PANK1: variants seen among roughly 807,000 people sequenced by gnomAD.
The protein encoded by PANK1 is pantothenic acid kinase 1.
A neutral mutation model predicts 40.1 loss-of-function variants in PANK1; 18 were observed. That is an observed-to-expected ratio of 0.45 (90% CI 0.31 to 0.67). PANK1 has a LOEUF of 0.67. Among genes scored for constraint, PANK1 ranks in the 30% least tolerant of loss-of-function variants. The pLI is 0.06. For missense variants in PANK1, 457 were observed against 599.6 expected (o/e 0.76, Z 2.48); for synonymous variants, 242 against 237.7 (o/e 1.02, Z -0.17).
intron 5 of PANK1, among the ~76,000 whole-genome samples, chr10:89,592,509 CT>C (rs1844426802): frequency 6.6e-6 from 1 of 152,200 alleles, no homozygotes. Flanking sequence ...TACAGATCTA[CT>C]GTGGTTCTTT....
intron 4 of PANK1, among the ~76,000 whole-genome samples, chr10:89,593,568 G>C (rs1490290465): frequency 6.6e-6 from 1 of 152,140 alleles, no homozygotes; most frequent in Non-Finnish European, 1.5e-5. Context: ...GGACAAGAAT[G>C]GAACAGGTGA....
chr10:89,621,758 G>A (rs1845493564), intron 1 of PANK1, among the ~76,000 whole-genome samples: 1 of 152,206 alleles, frequency 6.6e-6, no homozygotes, highest in African/African-American at 2.4e-5. Context: ...CTGCTGCTCA[G>A]GCTAGAGTGC....
intron 5 of PANK1, among the ~76,000 whole-genome samples, chr10:89,588,980 T>C (rs567823955): frequency 2.6e-5 from 4 of 152,268 alleles, no homozygotes; most frequent in East Asian, 1.9e-4. Context: ...GAGATTTTTG[T>C]TGGGCAAGGC....
intron 1 of PANK1, among the ~76,000 whole-genome samples, chr10:89,631,041 C>T (rs1841626171): frequency 6.6e-6 from 1 of 152,142 alleles, no homozygotes; most frequent in Non-Finnish European, 1.5e-5. Flanking sequence ...ATAGCTGTTA[C>T]ACAACACATA....
chr10:89,629,936 C>T (rs1841585222), intron 1 of PANK1, among the ~76,000 whole-genome samples: 1 of 152,168 alleles, frequency 6.6e-6, no homozygotes, highest in South Asian at 2.1e-4. Flanking sequence ...ACTCACTTTG[C>T]TTGCAACACA....
chr10:89,629,698 T>TG (rs1841577307), intron 1 of PANK1, among the ~76,000 whole-genome samples: 1 of 152,218 alleles, frequency 6.6e-6, no homozygotes, highest in South Asian at 2.1e-4. Flanking sequence ...CCCTTACGGA[T>TG]GATAGCTGCA....
intron 1 of PANK1, among the ~76,000 whole-genome samples, chr10:89,622,956 AT>A (rs1845539609): frequency 6.6e-6 from 1 of 152,228 alleles, no homozygotes; most frequent in Non-Finnish European, 1.5e-5. Flanking sequence ...ACACAAAGTG[AT>A]TTAATTTAAC....
At chr10:89,615,153 TAAA>T (rs796336357) in intron 1 of PANK1, among the ~76,000 whole-genome samples, 2 of 152,006 alleles carry the variant, frequency 1.3e-5, no homozygotes, top group Non-Finnish European at 2.9e-5. Flanking sequence ...AAGCAGATAA[TAAA>T]AAAATAAGAA....
Position 89,593,889 on chromosome 10 carries a change from C to T in PANK1, c.1000G>A (p.Val334Ile), listed in dbSNP as rs770286105. ...EMAAKGDSTN[V>I]DKLVKDIYGG... ...TAAATGTCCTTCACCAGTTTATCAACATTGGTGCTGTCGCCTTTAGCTGCC... is the reference window on the plus strand; with the variant it reads ...TAAATGTCCTTCACCAGTTTATCAATATTGGTGCTGTCGCCTTTAGCTGCC... Residue 334 changes from valine (V) to isoleucine (I), a missense_variant, in exon 4 of 7, where the codon GTT becomes ATT. Around this residue, in one of 4 missense-constraint regions of PANK1, gnomAD observed 286 missense variants for 415.8 expected, o/e 0.69. Transcript: ENST00000307534. The T allele has an allele frequency of 6.2e-7, 1 of 1,613,686 alleles. No homozygotes were observed. The highest frequency in any genetic ancestry group is 8.5e-7 in the Non-Finnish European group (1 of 1,179,580).
intron 2 of PANK1, among the ~76,000 whole-genome samples, chr10:89,604,522 G>A (rs952655800): frequency 2.6e-5 from 4 of 151,680 alleles, no homozygotes; most frequent in Non-Finnish European, 4.4e-5. Flanking sequence ...TAAGACCCTC[G>A]TTTCTACTAA....
intron 1 of PANK1, among the ~76,000 whole-genome samples, chr10:89,613,538 T>A (rs1331740465): frequency 6.6e-6 from 1 of 152,228 alleles, no homozygotes; most frequent in Non-Finnish European, 1.5e-5. Context: ...TGACCCAAGA[T>A]AGCTGCTTCT....
chr10:89,584,401 C>T lies in PANK1; in HGVS notation c.*5G>A, dbSNP rs185586053. ...TTGGGAGGCTGTTTCCTCCACTGCT[C>T]GTCTCTACTTGTCATCAGTCATTTT... On this transcript the variant is annotated 3_prime_UTR_variant, in exon 7 of 7. Coordinates refer to ENST00000307534, the MANE Select transcript of PANK1 (RefSeq NM_148977.3). 4.4e-4 allele frequency: 702 copies of T among 1,586,086 alleles called. 1 individual carries two copies. The African/African-American group carries it at 8.4e-3, about 19-fold the overall frequency.
chr10:89,602,576 A>G (rs1844820639), intron 2 of PANK1, among the ~76,000 whole-genome samples: 1 of 152,258 alleles, frequency 6.6e-6, no homozygotes, highest in African/African-American at 2.4e-5. Context: ...TTTGCAGTCC[A>G]TTAGTACAAC....
At chr10:89,636,074 G>T (rs1444259820) in intron 1 of PANK1, among the ~76,000 whole-genome samples, 1 of 152,158 alleles carries the variant, frequency 6.6e-6, no homozygotes, top group Non-Finnish European at 1.5e-5. Context: ...TGGCTCTCCT[G>T]GCTAGTATTT....
At chr10:89,593,537 A>C (rs915913342) in intron 4 of PANK1, among the ~76,000 whole-genome samples, 4 of 152,154 alleles carry the variant, frequency 2.6e-5, no homozygotes, top group Admixed American at 6.5e-5. Context: ...GGGGGGGGAA[A>C]ATTAATGCCT....
At chr10:89,631,956 T>TTGTGTGTGTGTGTG (rs71471132) in intron 1 of PANK1, among the ~76,000 whole-genome samples, 4 of 135,420 alleles carry the variant, frequency 3.0e-5, no homozygotes, top group African/African-American at 1.0e-4. Flanking sequence ...AAATAACAGA[T>TTGTGTGTGTGTGTG]TGTGTGTGTG....
Position 89,593,947 on chromosome 10 carries a change from A to T in PANK1, c.942T>A (p.Thr314=), listed in dbSNP as rs1361364324. The change falls in exon 4 of 7, where the codon ACT becomes ACA. Residue 314 remains threonine (T), a synonymous_variant. Coordinates refer to ENST00000307534, the MANE Select transcript of PANK1 (RefSeq NM_148977.3). Reference sequence around the variant, plus strand: ...GAGCTTCTTCAAAGGTCTCACAACCAGTCAGCAAGCAACATAGGCCTAGGA... The same window carrying T: ...GAGCTTCTTCAAAGGTCTCACAACCTGTCAGCAAGCAACATAGGCCTAGGA... The part of the protein sequence containing the change: ...GTFLGLCCLL[T]GCETFEEALE... The T allele has an allele frequency of 1.9e-6, 3 of 1,613,852 alleles. No homozygotes were observed.
At chr10:89,597,506 T>C (rs549966408) in intron 3 of PANK1, among the ~76,000 whole-genome samples, 1 of 152,298 alleles carries the variant, frequency 6.6e-6, no homozygotes, top group East Asian at 1.9e-4. Context: ...ATACTGGACA[T>C]TAATGGGCAT....
chr10:89,604,239 C>T (rs1027389302), intron 2 of PANK1, among the ~76,000 whole-genome samples: 7 of 152,186 alleles, frequency 4.6e-5, no homozygotes, highest in Admixed American at 4.6e-4. Context: ...AGAGTTACTT[C>T]TGACTTCTAA....
Sources: gnomAD v4.1 joint callset for allele counts (sites outside exome capture counted in the v4.1 genomes callset) on GRCh38, gnomAD v4.1.1 for gene constraint, gnomAD v4.1.1 regional missense constraint, MANE v1.5 for transcripts, NCBI Gene and HGNC (gene_info 2026-07-23, HGNC 2026-07-21) for gene names.